Variants in IFT74 observed in about 807,000 individuals in gnomAD.
IFT74 encodes intraflagellar transport 74.
A neutral mutation model predicts 96.7 loss-of-function variants in IFT74; 92 were observed. The observed-to-expected ratio is 0.95, with a 90% confidence interval of 0.80 to 1.13. The LOEUF (loss-of-function observed/expected upper bound fraction) is 1.13. Ranked by LOEUF, IFT74 falls within the 50% of genes most tolerant of loss-of-function variation. The pLI is 0.00. For synonymous variants in IFT74, 223 were observed against 213.2 expected (o/e 1.05, Z -0.40); for missense variants, 811 against 698.2 (o/e 1.16, Z -1.82).
Position 26,998,259 on chromosome 9 carries a change from AG to A in IFT74, c.587+8065del. 3 of 1,359,596 alleles carry A rather than the reference AG, an allele frequency of 2.2e-6. No individual in the cohort carries two copies. The East Asian group carries it at 7.2e-5, about 33-fold the overall frequency. The allele number at this position is 1,359,596 out of a possible 1,614,324, so 84.2% of individuals were successfully genotyped here. On this transcript the variant is annotated intron_variant, in intron 8 of 19. Transcript: ENST00000380062. ...TGGACTTCCTAGAAAAACAAAAAAA[AG>A]AAAGGCATTAATCAGAAAAAAAATT...
At chr9:27,042,885 G>A (rs1440605676) in intron 13 of IFT74, among the ~76,000 whole-genome samples, 1 of 152,160 alleles carries the variant, frequency 6.6e-6, no homozygotes, top group Non-Finnish European at 1.5e-5. Flanking sequence ...CAGATCATGT[G>A]TGCTGCAAAC....
chr9:26,981,590 G>C (rs1437633148), intron 4 of IFT74, among the ~76,000 whole-genome samples: 1 of 151,878 alleles, frequency 6.6e-6, no homozygotes, highest in Non-Finnish European at 1.5e-5. Context: ...AATTTTGTGT[G>C]TGTGTTTTTA....
intron 1 of IFT74, among the ~76,000 whole-genome samples, chr9:26,957,363 G>T (rs1019881609): frequency 2.0e-5 from 3 of 152,118 alleles, no homozygotes; most frequent in East Asian, 1.9e-4. Flanking sequence ...GATGTTTATT[G>T]TACTCGTTTT....
intron 17 of IFT74, 21 bp downstream of exon 17, chr9:27,055,793 A>G: frequency 6.9e-7 from 1 of 1,439,042 alleles, no homozygotes; most frequent in Non-Finnish European, 9.3e-7. Context: ...ACCAAGTCTT[A>G]CAGAATTACA....
At position 26,961,993 on chromosome 9, in the gene IFT74, C is replaced by T; in HGVS notation, c.26C>T (p.Ala9Val). Residue 9 changes from alanine (A) to valine (V), a missense_variant, in exon 2 of 20, where the codon GCA becomes GTA. Coordinates refer to ENST00000380062, the MANE Select transcript of IFT74 (RefSeq NM_025103.4). ...ATGGCCAGCAATCACAAATCTTCAGCAGCTCGCCCTGTTTCAAGAGGTGGA... is the reference window on the plus strand; with the variant it reads ...ATGGCCAGCAATCACAAATCTTCAGTAGCTCGCCCTGTTTCAAGAGGTGGA... MASNHKSSAARPVSRGGVG... is the reference protein window; with the variant it reads MASNHKSSVARPVSRGGVG... 1.2e-6 allele frequency: 2 copies of T among 1,614,130 alleles called. No individual in the cohort carries two copies. Among genetic ancestry groups the T allele is most frequent in the Non-Finnish European group, 1.7e-6 (2 of 1,179,964 alleles).
chr9:27,027,753 T>C (rs1829935032), intron 12 of IFT74, among the ~76,000 whole-genome samples: 1 of 152,214 alleles, frequency 6.6e-6, no homozygotes, highest in Non-Finnish European at 1.5e-5. Flanking sequence ...GTTCTATGAA[T>C]TCTATGAATT....
At chr9:27,001,564 G>A (rs1360638173) in intron 8 of IFT74, among the ~76,000 whole-genome samples, 1 of 151,998 alleles carries the variant, frequency 6.6e-6, no homozygotes, top group East Asian at 1.9e-4. Flanking sequence ...GATTACTGAT[G>A]TTGAGCATTT....
chr9:26,953,506 G>C (rs143095005), upstream of IFT74, among the ~76,000 whole-genome samples: 3 of 152,232 alleles, frequency 2.0e-5, no homozygotes, highest in African/African-American at 7.2e-5. Context: ...TGTGCATTTG[G>C]ATTTCTATAG....
intron 8 of IFT74, among the ~76,000 whole-genome samples, chr9:27,001,761 G>T (rs1260682536): frequency 6.6e-6 from 1 of 151,744 alleles, no homozygotes; most frequent in Non-Finnish European, 1.5e-5. Flanking sequence ...TTCTCATTCC[G>T]TGGGTTGTCT....
chr9:26,997,365 A>C (rs1587316159), intron 8 of IFT74, among the ~76,000 whole-genome samples: 1 of 117,550 alleles, frequency 8.5e-6, no homozygotes, highest in Admixed American at 1.2e-4. Context: ...ACAGAGTCTC[A>C]CTCTGTTGCC....
chr9:26,990,992 C>T (rs779096941), intron 8 of IFT74, among the ~76,000 whole-genome samples: 3 of 152,198 alleles, frequency 2.0e-5, no homozygotes, highest in Non-Finnish European at 4.4e-5. Context: ...TGTGTAAACA[C>T]ACATACAAGC....
At chr9:27,011,468 A>G (rs1829070801) in intron 9 of IFT74, among the ~76,000 whole-genome samples, 1 of 149,420 alleles carries the variant, frequency 6.7e-6, no homozygotes, top group African/African-American at 2.4e-5. Flanking sequence ...ATGTGTGTGT[A>G]CACAGTATAG....
intron 12 of IFT74, among the ~76,000 whole-genome samples, chr9:27,024,377 C>T (rs985620184): frequency 8.5e-5 from 13 of 152,138 alleles, no homozygotes; most frequent in East Asian, 1.9e-4. Flanking sequence ...GCCCAGAGCC[C>T]GGTAGCTCTG....
chr9:26,974,667 GTT>G (rs1323428263), intron 2 of IFT74, among the ~76,000 whole-genome samples: 2 of 152,104 alleles, frequency 1.3e-5, no homozygotes, highest in Non-Finnish European at 2.9e-5. Flanking sequence ...GAGTATTCAC[GTT>G]TCCAAATTGC....
chr9:27,038,573 C>T (rs1001928406), intron 13 of IFT74, among the ~76,000 whole-genome samples: 21 of 152,084 alleles, frequency 1.4e-4, no homozygotes, highest in African/African-American at 4.1e-4. Flanking sequence ...CCACCGCGCC[C>T]GGCCCAGGAA....
At chr9:27,034,765 G>C (rs1490439051) in intron 13 of IFT74, among the ~76,000 whole-genome samples, 1 of 152,124 alleles carries the variant, frequency 6.6e-6, no homozygotes, top group Admixed American at 6.6e-5. Flanking sequence ...CCTGACCTCA[G>C]GTGATCTGCC....
At chr9:26,998,887 G>A (rs1052064136) in intron 8 of IFT74, among the ~76,000 whole-genome samples, 22 of 151,970 alleles carry the variant, frequency 1.4e-4, no homozygotes, top group African/African-American at 5.3e-4. Context: ...CCAGCTACTT[G>A]GGAGGCTGAG....
intron 16 of IFT74, among the ~76,000 whole-genome samples, chr9:27,053,912 G>A (rs778738654): frequency 1.3e-5 from 2 of 152,098 alleles, no homozygotes; most frequent in African/African-American, 2.4e-5. Flanking sequence ...ATTTCTAACC[G>A]TGGTAGAGAT....
chr9:26,985,104 C>T (rs573439784), intron 6 of IFT74, among the ~76,000 whole-genome samples: 6 of 152,260 alleles, frequency 3.9e-5, no homozygotes, highest in Middle Eastern at 3.4e-3. Flanking sequence ...GTACCTATAC[C>T]ATGAAATACT....
Sources: allele counts gnomAD v4.1 joint callset (sites outside exome capture counted in the v4.1 genomes callset), GRCh38; gene constraint gnomAD v4.1.1; transcripts MANE v1.5; gene names NCBI Gene and HGNC (gene_info 2026-07-23, HGNC 2026-07-21).